Variants in KIF16B observed in about 807,000 individuals in gnomAD.
The protein encoded by KIF16B is kinesin family member 16B.
In KIF16B, 98 loss-of-function variants were observed where a neutral mutation model predicts 156.3. The observed-to-expected ratio is 0.63, with a 90% confidence interval of 0.53 to 0.74. The LOEUF is 0.74. Ranked by LOEUF, KIF16B falls within the 30% of genes least tolerant of loss-of-function variation. The pLI is 0.00. For synonymous variants in KIF16B, 564 were observed against 583.7 expected (o/e 0.97, Z 0.49); for missense variants, 1,421 against 1,606.5 (o/e 0.88, Z 1.97).
chr20:16,533,401 G>A (rs2069831108), intron 1 of KIF16B, among the ~76,000 whole-genome samples: 1 of 152,310 alleles, frequency 6.6e-6, no homozygotes, highest in South Asian at 2.1e-4. Flanking sequence ...TTTAACAACT[G>A]TAAATGATTC....
intron 16 of KIF16B, among the ~76,000 whole-genome samples, chr20:16,405,953 C>T (rs2065772451): frequency 6.6e-6 from 1 of 152,098 alleles, no homozygotes; most frequent in South Asian, 2.1e-4. Flanking sequence ...CCCAGTTGTC[C>T]TAAACCCACC....
chr20:16,447,167 G>T (rs1000114136), intron 12 of KIF16B, among the ~76,000 whole-genome samples: 2 of 152,170 alleles, frequency 1.3e-5, no homozygotes, highest in Middle Eastern at 3.4e-3. Context: ...TTAGATGTGG[G>T]CCACGTAGAA....
intron 23 of KIF16B, among the ~76,000 whole-genome samples, chr20:16,355,339 T>C (rs576310702): frequency 1.3e-5 from 2 of 152,256 alleles, no homozygotes; most frequent in Non-Finnish European, 2.9e-5. Flanking sequence ...GTTTCACAGA[T>C]AAAATAAAAT....
intron 23 of KIF16B, among the ~76,000 whole-genome samples, chr20:16,346,770 C>T (rs1299411044): frequency 6.6e-6 from 1 of 152,166 alleles, no homozygotes; most frequent in African/African-American, 2.4e-5. Flanking sequence ...AAGATTGTCA[C>T]TGATAAAGTG....
intron 22 of KIF16B, chr20:16,367,352 C>A: frequency 6.2e-7 from 1 of 1,612,874 alleles, no homozygotes; most frequent in African/African-American, 1.3e-5. Flanking sequence ...AAGACTAGTT[C>A]TACTGTTGAC....
intron 1 of KIF16B, among the ~76,000 whole-genome samples, chr20:16,545,167 G>C (rs945695200): frequency 6.6e-6 from 1 of 152,044 alleles, no homozygotes; most frequent in South Asian, 2.1e-4. Context: ...AAAAAGATAC[G>C]GCTGTGCACG....
At chr20:16,367,707 A>G in intron 22 of KIF16B, 1 of 1,612,538 alleles carries the variant, frequency 6.2e-7, no homozygotes, top group Non-Finnish European at 8.5e-7. Flanking sequence ...AAACTAAATC[A>G]GGGATTTCTG....
At chr20:16,562,426 C>T (rs1459911378) in intron 1 of KIF16B, among the ~76,000 whole-genome samples, 2 of 149,446 alleles carry the variant, frequency 1.3e-5, no homozygotes, top group African/African-American at 2.6e-5. Flanking sequence ...TCACCCCTCA[C>T]GTCTTCCTAA....
At chr20:16,371,874 A>G (rs1023950537) in intron 20 of KIF16B, 113 bp from the exon 21 acceptor site, 3 of 669,518 alleles carry the variant, frequency 4.5e-6, no homozygotes, top group Non-Finnish European at 8.0e-6. Flanking sequence ...TCTAAATACC[A>G]AACCTAACAA....
chr20:16,345,306 A>T (rs540588755), intron 23 of KIF16B, among the ~76,000 whole-genome samples: 1 of 152,298 alleles, frequency 6.6e-6, no homozygotes, highest in Admixed American at 6.5e-5. Context: ...TATGGTCTTT[A>T]AAAAAATTAT....
At chr20:16,380,197 G>T in intron 18 of KIF16B, 34 bp from the exon 19 acceptor site, 1 of 1,454,798 alleles carries the variant, frequency 6.9e-7, no homozygotes, top group Non-Finnish European at 9.1e-7. Context: ...TTGTTATCTG[G>T]TCATTGTTCA....
intron 23 of KIF16B, among the ~76,000 whole-genome samples, chr20:16,343,986 C>T (rs934551332): frequency 5.3e-5 from 8 of 151,990 alleles, no homozygotes; most frequent in Non-Finnish European, 7.4e-5. Context: ...ACTTTTCCAG[C>T]GATAACTATG....
chr20:16,524,736 T>C (rs373094954), intron 3 of KIF16B, among the ~76,000 whole-genome samples: 12 of 152,318 alleles, frequency 7.9e-5, no homozygotes, highest in African/African-American at 1.7e-4. Context: ...CGTATGTTTA[T>C]TGCAGCACTA....
At chr20:16,386,940 T>A (rs1387181906) in intron 17 of KIF16B, among the ~76,000 whole-genome samples, 1 of 152,092 alleles carries the variant, frequency 6.6e-6, no homozygotes, top group Non-Finnish European at 1.5e-5. Context: ...TAGCTATTAA[T>A]CCTATAGCAT....
In KIF16B at chr20:16,284,827, A is replaced by C. The variant is rs547763864; in HGVS notation, c.3796-11416T>G. Reference sequence around the variant, plus strand: ...CAGCACAGTAGATGCCACCTGGCAGAGAACACACCAACTCAAGAGGGACCA... The same window carrying C: ...CAGCACAGTAGATGCCACCTGGCAGCGAACACACCAACTCAAGAGGGACCA... On this transcript the variant is annotated intron_variant, in intron 25 of 25. Coordinates refer to ENST00000354981, the MANE Select transcript of KIF16B (RefSeq NM_024704.5). Among the ~76,000 whole-genome samples, 3 of 152,326 alleles carry C rather than the reference A, an allele frequency of 2.0e-5. No homozygotes were observed. In the East Asian group the frequency reaches 5.8e-4, roughly 29 times the overall value.
At chr20:16,540,824 T>C (rs2070168414) in intron 1 of KIF16B, among the ~76,000 whole-genome samples, 1 of 152,168 alleles carries the variant, frequency 6.6e-6, no homozygotes, top group Non-Finnish European at 1.5e-5. Flanking sequence ...TTTCCCATAA[T>C]AGTTAATTTT....
rs753219298 is a variant in KIF16B, at chr20:16,367,681, T to A, written c.3498+2905A>T. 3.7e-6 allele frequency: 6 copies of A among 1,612,462 alleles called. No individual in the cohort carries two copies. The African/African-American group carries it at 8.0e-5, about 22-fold the overall frequency. ...GGTAGTCTGGAATTTGGATGACACC[T>A]GAACTCCATTTGGCAAAACTAAATC... On this transcript the variant is annotated intron_variant, in intron 22 of 25. Transcript: ENST00000354981.
In KIF16B at chr20:16,501,267, AATT is replaced by A. The variant is rs2068613640; in HGVS notation, c.1176+3102_1176+3104del. Among the ~76,000 whole-genome samples, 5 of 59,446 alleles carry A rather than the reference AATT, an allele frequency of 8.4e-5. No individual in the cohort carries two copies. The Admixed American group carries it at 8.9e-4, about 11-fold the overall frequency. The allele number at this position is 59,446 out of a possible 152,430, so 39.0% of individuals were successfully genotyped here. ...GGCACAACTACTTTTATACACCAAGAATTGAATTCTTGGTTCAATACCAAGAAT... is the reference window on the plus strand; with the variant it reads ...GGCACAACTACTTTTATACACCAAGAGAATTCTTGGTTCAATACCAAGAAT... On this transcript the variant is annotated intron_variant, in intron 10 of 25. Coordinates refer to ENST00000354981, the MANE Select transcript of KIF16B (RefSeq NM_024704.5).
chr20:16,547,437 G>A (rs933732700), intron 1 of KIF16B, among the ~76,000 whole-genome samples: 21 of 152,244 alleles, frequency 1.4e-4, no homozygotes, highest in Non-Finnish European at 1.8e-4. Flanking sequence ...ACTTTGGTAA[G>A]TGAAACAAAG....
Sources: allele counts gnomAD v4.1 joint callset (sites outside exome capture counted in the v4.1 genomes callset), GRCh38; gene constraint gnomAD v4.1.1; transcripts MANE v1.5; gene names NCBI Gene and HGNC (gene_info 2026-07-23, HGNC 2026-07-21).